The following SSBP2 variants were observed in gnomAD, a reference collection of about 807,000 sequenced individuals.
SSBP2 encodes the protein single stranded DNA binding protein 2, also known as single-stranded DNA-binding protein 2.
SSBP2 carries 17 observed loss-of-function variants against 61.8 expected under a neutral mutation model. The ratio of observed to expected loss-of-function variants is 0.28; its 90% confidence interval spans 0.19 to 0.41. SSBP2 has a LOEUF of 0.41. Ranked by LOEUF, SSBP2 falls within the 10% of genes least tolerant of loss-of-function variation. The pLI, the probability that SSBP2 is intolerant of heterozygous loss-of-function variation, is 1.00. For synonymous variants in SSBP2, 139 were observed against 141.3 expected (o/e 0.98, Z 0.12); for missense variants, 310 against 458.7 (o/e 0.68, Z 2.96).
intron 1 of SSBP2, among the ~76,000 whole-genome samples, chr5:81,732,871 T>C (rs1462907928): frequency 6.6e-6 from 1 of 152,222 alleles, no homozygotes; most frequent in Non-Finnish European, 1.5e-5. Flanking sequence ...TGCTCAGCTA[T>C]TTTGGAAGTC....
chr5:81,476,471 G>C (rs565910303), intron 6 of SSBP2, among the ~76,000 whole-genome samples: 2 of 152,038 alleles, frequency 1.3e-5, no homozygotes, highest in Non-Finnish European at 2.9e-5. Context: ...AAAGAGAACA[G>C]GTCTTAAATT....
At chr5:81,585,174 T>A (rs929792806) in intron 4 of SSBP2, among the ~76,000 whole-genome samples, 1 of 152,080 alleles carries the variant, frequency 6.6e-6, no homozygotes, top group Non-Finnish European at 1.5e-5. Context: ...AACGTACAAT[T>A]ATTTCTCCCC....
chr5:81,486,956 A>C (rs1766431651), intron 6 of SSBP2, among the ~76,000 whole-genome samples: 1 of 152,240 alleles, frequency 6.6e-6, no homozygotes, highest in South Asian at 2.1e-4. Flanking sequence ...AGAGAGCACC[A>C]GCAGATTGAG....
At chr5:81,571,788 C>T (rs1370489299) in intron 4 of SSBP2, among the ~76,000 whole-genome samples, 2 of 152,076 alleles carry the variant, frequency 1.3e-5, no homozygotes, top group East Asian at 3.8e-4. Context: ...TTTTCCTATT[C>T]TTCTGGCTGC....
At chr5:81,446,586 A>C (rs905566110) in intron 12 of SSBP2, among the ~76,000 whole-genome samples, 3 of 152,168 alleles carry the variant, frequency 2.0e-5, no homozygotes, top group Non-Finnish European at 4.4e-5. Flanking sequence ...TAGTTTTATC[A>C]GTCTCAATAA....
chr5:81,680,762 A>C (rs1019293386), intron 1 of SSBP2, among the ~76,000 whole-genome samples: 1 of 152,226 alleles, frequency 6.6e-6, no homozygotes, highest in Non-Finnish European at 1.5e-5. Flanking sequence ...GACAAAATAC[A>C]TGAGGTAAAA....
In SSBP2 at chr5:81,651,971, G is replaced by GA. The variant is rs994052660; in HGVS notation, c.63-1633dup. 8.6e-4 allele frequency among the ~76,000 whole-genome samples: 130 copies of GA among 150,668 alleles called. 1 individual carries two copies. Among genetic ancestry groups the GA allele is most frequent in the Middle Eastern group, 6.8e-3 (2 of 294 alleles). On this transcript the variant is annotated intron_variant, in intron 1 of 16. Transcript: ENST00000320672. ...CAGTGGCAGTTCTGCCCCACTGCCT[G>GA]AAAAAAAAACATAGACTCAGGTAAT...
chr5:81,509,195 T>C (rs1050833089), intron 5 of SSBP2, among the ~76,000 whole-genome samples: 12 of 152,182 alleles, frequency 7.9e-5, no homozygotes, highest in African/African-American at 2.7e-4. Flanking sequence ...CTGGGCCTTG[T>C]TACTTTAAGG....
At chr5:81,454,774 ATATTTC>A (rs1764018918) in intron 10 of SSBP2, among the ~76,000 whole-genome samples, 1 of 152,090 alleles carries the variant, frequency 6.6e-6, no homozygotes, top group African/African-American at 2.4e-5. Flanking sequence ...ATATATATAT[ATATTTC>A]TATTTCTGAG....
intron 2 of SSBP2, among the ~76,000 whole-genome samples, chr5:81,643,794 G>A (rs1415759802): frequency 6.6e-6 from 1 of 151,608 alleles, no homozygotes; most frequent in Admixed American, 6.6e-5. Context: ...GTAGAGACGG[G>A]ATTTCACCAT....
At chr5:81,659,993 T>G (rs140637791) in intron 1 of SSBP2, among the ~76,000 whole-genome samples, 2 of 152,176 alleles carry the variant, frequency 1.3e-5, no homozygotes, top group East Asian at 3.9e-4. Context: ...CTAGACCCCT[T>G]CCTTACACCT....
intron 6 of SSBP2, among the ~76,000 whole-genome samples, chr5:81,482,451 T>C (rs963615303): frequency 5.9e-5 from 9 of 152,172 alleles, no homozygotes; most frequent in African/African-American, 2.2e-4. Context: ...TCATCAATTA[T>C]CTTAGCTAGA....
chr5:81,684,954 T>G lies in SSBP2; in HGVS notation c.63-34615A>C, dbSNP rs567906252. On this transcript the variant is annotated intron_variant, in intron 1 of 16. Coordinates refer to ENST00000320672, the MANE Select transcript of SSBP2 (RefSeq NM_012446.5). ...GATTTGTGTCCCCACACAAATCTCATGGGGAATTGGAGGAGGGGCCTGGTG... is the reference window on the plus strand; with the variant it reads ...GATTTGTGTCCCCACACAAATCTCAGGGGGAATTGGAGGAGGGGCCTGGTG... Among the ~76,000 whole-genome samples, 7 of 152,058 alleles carry G rather than the reference T, an allele frequency of 4.6e-5. No homozygotes were observed. The South Asian group carries it at 8.3e-4, about 18-fold the overall frequency.
At chr5:81,481,487 G>A (rs1580793953) in intron 6 of SSBP2, among the ~76,000 whole-genome samples, 1 of 152,016 alleles carries the variant, frequency 6.6e-6, no homozygotes, top group South Asian at 2.1e-4. Context: ...TGGGTGTGAT[G>A]GTGGGCACTT....
intron 8 of SSBP2, among the ~76,000 whole-genome samples, chr5:81,467,465 T>G (rs1459732363): frequency 6.6e-6 from 1 of 151,804 alleles, no homozygotes; most frequent in African/African-American, 2.4e-5. Flanking sequence ...ACAAAACAGG[T>G]GAACCCAACA....
intron 1 of SSBP2, among the ~76,000 whole-genome samples, chr5:81,712,092 T>C (rs1324796830): frequency 2.7e-5 from 4 of 150,748 alleles, no homozygotes; most frequent in Non-Finnish European, 5.9e-5. Flanking sequence ...AACCACTAGC[T>C]CTTCAGTTAA....
intron 4 of SSBP2, among the ~76,000 whole-genome samples, chr5:81,519,118 G>A (rs1561494173): frequency 6.6e-6 from 1 of 152,046 alleles, no homozygotes; most frequent in Non-Finnish European, 1.5e-5. Context: ...CTTTTCAAAA[G>A]GAATTGATGG....
chr5:81,603,577 A>G lies in SSBP2; in HGVS notation c.282+11896T>C, dbSNP rs550093222. Among the ~76,000 whole-genome samples, 271 of 152,334 alleles carry G rather than the reference A, an allele frequency of 1.8e-3. 1 individual carries two copies. Among genetic ancestry groups the G allele is most frequent in the Non-Finnish European group, 3.2e-3 (216 of 68,010 alleles). ...CTGTCACCATCTTTGGAAAAGGTAA[A>G]AAGTCACAATGCATATGAAAATACT... is the stretch of plus-strand genomic sequence containing the variant. On this transcript the variant is annotated intron_variant, in intron 4 of 16. Transcript: ENST00000320672.
chr5:81,736,143 A>AACACACACACACACACAC (rs58588638), intron 1 of SSBP2, among the ~76,000 whole-genome samples: 4 of 75,334 alleles, frequency 5.3e-5, no homozygotes, highest in African/African-American at 1.5e-4. Flanking sequence ...ACTACCCTGA[A>AACACACACACACACACAC]ACACACACAC....
Sources: allele counts gnomAD v4.1 joint callset (sites outside exome capture counted in the v4.1 genomes callset), GRCh38; gene constraint gnomAD v4.1.1; transcripts MANE v1.5; gene names NCBI Gene and HGNC (gene_info 2026-07-23, HGNC 2026-07-21).